Variants in MTOR observed in about 807,000 individuals in gnomAD.
MTOR encodes the protein serine/threonine-protein kinase mTOR.
In MTOR, 70 loss-of-function variants were observed where a neutral mutation model predicts 319.8. That is an observed-to-expected ratio of 0.22 (90% confidence interval 0.18 to 0.27). MTOR has a LOEUF of 0.27. Among genes scored for constraint, MTOR ranks in the 10% least tolerant of loss-of-function variants. MTOR has a pLI of 1.00. For missense variants in MTOR, 1,890 were observed against 3,274.4 expected, an observed-to-expected ratio of 0.58 and a Z score of 10.32; for synonymous variants, 1,183 against 1,211.4, an observed-to-expected ratio of 0.98 and a Z score of 0.49.
chr1:11,174,972 C>T (rs999289753), intron 28 of MTOR, among the ~76,000 whole-genome samples: 2 of 152,288 alleles, frequency 1.3e-5, no homozygotes, highest in African/African-American at 4.8e-5. Context: ...TTGTCAGCAA[C>T]GTGCCTATAA....
intron 28 of MTOR, among the ~76,000 whole-genome samples, chr1:11,180,741 G>A (rs1378013739): frequency 1.3e-5 from 2 of 151,800 alleles, no homozygotes; most frequent in Non-Finnish European, 2.9e-5. Flanking sequence ...GGTTACTGGG[G>A]ATAAAATATG....
rs1324775479 is a variant in MTOR at position 11,107,014 on chromosome 1, T to G, written c.*471A>C. 5 of 1,370,884 alleles carry G rather than the reference T, an allele frequency of 3.6e-6. No homozygotes were observed. The highest frequency in any genetic ancestry group is 4.8e-6 in the Non-Finnish European group (5 of 1,038,992). The allele number at this position is 1,370,884 out of a possible 1,614,324, so 84.9% of individuals were successfully genotyped here. A position where few individuals can be genotyped will look rare whatever the true frequency, so the allele number is the denominator to read the frequency against. On this transcript the variant is annotated 3_prime_UTR_variant, in exon 58 of 58. Transcript: ENST00000361445. Reference sequence around the variant, plus strand: ...GAGGTCTTGGGATAGGTGGCAGGGGTGAGGTCAGCATCTTCTGTGTCTTTA... The same window carrying G: ...GAGGTCTTGGGATAGGTGGCAGGGGGGAGGTCAGCATCTTCTGTGTCTTTA...
chr1:11,178,388 T>C (rs1024210107), intron 28 of MTOR, among the ~76,000 whole-genome samples: 1 of 152,088 alleles, frequency 6.6e-6, no homozygotes, highest in African/African-American at 2.4e-5. Flanking sequence ...GCTGGCCAGG[T>C]TTGCAACTGA....
chr1:11,215,715 G>C (rs550180848), intron 20 of MTOR, among the ~76,000 whole-genome samples: 1 of 152,208 alleles, frequency 6.6e-6, no homozygotes, highest in South Asian at 2.1e-4. Context: ...GAGGTAGCAG[G>C]GTAAAGCATC....
rs900479848 is a variant in MTOR at position 11,145,280 on chromosome 1, G to T, written c.4687-235C>A. ...TCCAAAACTTTAACATCTATCTAAG[G>T]TAACACACAAAATCTTAGGTGGCAA... On this transcript the variant is annotated intron_variant, in intron 32 of 57. Transcript: ENST00000361445. The T allele has an allele frequency of 1.1e-5, 6 of 531,258 alleles. No individual in the cohort carries two copies. In the East Asian group the frequency reaches 1.6e-4, roughly 14 times the overall value. The allele number at this position is 531,258 out of a possible 1,614,324, so 32.9% of individuals were successfully genotyped here.
intron 20 of MTOR, 101 bp downstream of exon 20, chr1:11,216,046 CT>C: frequency 1.3e-6 from 1 of 769,642 alleles, no homozygotes; most frequent in South Asian, 1.8e-5. Context: ...ACTGTAACAG[CT>C]CTACAAAGAT....
At chr1:11,249,968 G>A (rs1437816403) in intron 6 of MTOR, among the ~76,000 whole-genome samples, 7 of 150,720 alleles carry the variant, frequency 4.6e-5, no homozygotes, top group South Asian at 2.1e-4. Flanking sequence ...CCGGGCAGAG[G>A]GGCTCCTCAC....
Position 11,122,090 on chromosome 1 carries a change from G to A in MTOR, c.6699C>T (p.Asn2233=), listed in dbSNP as rs757645016. ...GGGGAACCCAGCCAATGAGGCCCGA[G>A]TTGGTCGATAAAGGGATGACAGCGT... is the stretch of plus-strand genomic sequence containing the variant. ...QRYAVIPLST[N]SGLIGWVPHC... Residue 2233 remains asparagine (N), a synonymous_variant, in exon 48 of 58, where the codon AAC becomes AAT. Coordinates refer to ENST00000361445, the MANE Select transcript of MTOR (RefSeq NM_004958.4). 4.3e-6 allele frequency: 7 copies of A among 1,614,256 alleles called. No individual in the cohort carries two copies. In the Admixed American group the frequency reaches 8.3e-5, roughly 19 times the overall value.
chr1:11,175,648 G>C (rs1644959546), intron 28 of MTOR, among the ~76,000 whole-genome samples: 1 of 152,188 alleles, frequency 6.6e-6, no homozygotes, highest in African/African-American at 2.4e-5. Flanking sequence ...CACTTCCCCC[G>C]GCAAAGGCCC....
chr1:11,158,077 G>C (rs1360117419), intron 29 of MTOR, among the ~76,000 whole-genome samples: 1 of 152,116 alleles, frequency 6.6e-6, no homozygotes, highest in African/African-American at 2.4e-5. Context: ...GAAAGTTACA[G>C]ACTATGACTC....
rs550438744 is a variant in MTOR, at chr1:11,124,008, G to A, written c.6662+490C>T. On this transcript the variant is annotated intron_variant, in intron 47 of 57. Coordinates refer to ENST00000361445, the MANE Select transcript of MTOR (RefSeq NM_004958.4). The stretch of plus-strand genomic sequence containing the variant: ...TCACCATGTTGGCCAGGCTGGTCTC[G>A]AACTCCTGACCTCAAGTGATCCACC... Among the ~76,000 whole-genome samples the A allele has an allele frequency of 1.1e-4, 17 of 152,252 alleles. No individual in the cohort carries two copies. In the East Asian group the frequency reaches 2.9e-3, roughly 26 times the overall value.
intron 28 of MTOR, among the ~76,000 whole-genome samples, chr1:11,171,609 G>A (rs1272133203): frequency 6.6e-6 from 1 of 152,142 alleles, no homozygotes; most frequent in African/African-American, 2.4e-5. Context: ...TTAGGAAGTA[G>A]TGATTAGGGA....
rs1008178627 is a variant in MTOR at position 11,208,371 on chromosome 1, C to T, written c.3801+941G>A. ...CTCTGAAACAACAGTAATAAACCCC[C>T]AGTGCTCCGCAAAGCTGGGCGTGAG... is the stretch of plus-strand genomic sequence containing the variant. On this transcript the variant is annotated intron_variant, in intron 25 of 57. Coordinates refer to ENST00000361445, the MANE Select transcript of MTOR (RefSeq NM_004958.4). 3.3e-5 allele frequency among the ~76,000 whole-genome samples: 5 copies of T among 152,274 alleles called. 1 individual carries two copies. Among genetic ancestry groups the T allele is most frequent in the Admixed American group, 1.3e-4 (2 of 15,290 alleles).
At chr1:11,217,299 T>G (rs1227497763) in intron 19 of MTOR, among the ~76,000 whole-genome samples, 2 of 152,122 alleles carry the variant, frequency 1.3e-5, no homozygotes, top group Non-Finnish European at 2.9e-5. Context: ...AGGTTAAAGA[T>G]TTGTCTTCAA....
rs900142096 is a variant in MTOR at position 11,248,141 on chromosome 1, T to C, written c.841-47A>G. The C allele has an allele frequency of 5.2e-6, 8 of 1,527,192 alleles. No homozygotes were observed. In the Admixed American group the frequency reaches 6.0e-5, roughly 12 times the overall value. 94.6% of individuals were successfully genotyped at this position (1,527,192 alleles called of 1,614,324 possible). The stretch of plus-strand genomic sequence containing the variant: ...AAATCATCTTTACTTATGACTGGCA[T>C]TCAAACTGGGCACTGTGGATTCTAC... On this transcript the variant is annotated intron_variant, in intron 6 of 57. Transcript: ENST00000361445.
intron 19 of MTOR, among the ~76,000 whole-genome samples, chr1:11,227,819 C>A (rs1218169922): frequency 6.6e-6 from 1 of 152,140 alleles, no homozygotes; most frequent in Non-Finnish European, 1.5e-5. Flanking sequence ...ATGCTAAAAT[C>A]ACCGGATGGA....
At position 11,182,217 on chromosome 1, in the gene MTOR, T is replaced by TAA. The variant is rs75328428; in HGVS notation, c.4254-14702_4254-14701dup. Among the ~76,000 whole-genome samples the TAA allele has an allele frequency of 8.2e-3, 1,126 of 137,586 alleles. 14 individuals carry two copies. The highest frequency in any genetic ancestry group is 0.024 in the African/African-American group (914 of 37,774). 90.3% of individuals were successfully genotyped at this position (137,586 alleles called of 152,430 possible). A position where few individuals can be genotyped will look rare whatever the true frequency, so the allele number is the denominator to read the frequency against. ...GGGCAATAAGAGCGAAACTCCATCT[T>TAA]AAAAAAAAAAAAAAAAGTACAAACT... On this transcript the variant is annotated intron_variant, in intron 28 of 57. Transcript: ENST00000361445.
chr1:11,209,575 T>A, intron 24 of MTOR, 117 bp from the exon 25 acceptor site: 2 of 1,250,746 alleles, frequency 1.6e-6, no homozygotes, highest in Non-Finnish European at 2.2e-6. Context: ...CAGTAAGAAG[T>A]AAAAAGTTGC....
At chr1:11,239,902 C>CAAA (rs36052220) in intron 11 of MTOR, among the ~76,000 whole-genome samples, 6 of 121,930 alleles carry the variant, frequency 4.9e-5, no homozygotes, top group South Asian at 5.1e-4. Flanking sequence ...GACTTTGTCT[C>CAAA]AAAAAAAAAA....
Sources: allele counts gnomAD v4.1 joint callset (sites outside exome capture counted in the v4.1 genomes callset), GRCh38; gene constraint gnomAD v4.1.1; transcripts MANE v1.5; gene names NCBI Gene and HGNC (gene_info 2026-07-23, HGNC 2026-07-21).